Variants in DIAPH3 observed in about 807,000 individuals in gnomAD.
DIAPH3 encodes the protein diaphanous related formin 3.
A neutral mutation model predicts 144.3 loss-of-function variants in DIAPH3; 117 were observed. The observed-to-expected ratio is 0.81, with a 90% CI of 0.70 to 0.95. The LOEUF (loss-of-function observed/expected upper bound fraction) is 0.95, where lower values mean the gene tolerates loss of function less well. Ranked by LOEUF, DIAPH3 falls within the 40% of genes least tolerant of loss-of-function variation. The probability of loss-of-function intolerance (pLI) is 0.00; values close to 1 mark genes in which losing one functional copy is unlikely to be tolerated. For missense variants in DIAPH3, 1,421 were observed against 1,412.7 expected, an observed-to-expected ratio of 1.01 and a Z score of -0.09; for synonymous variants, 519 against 488.9, an observed-to-expected ratio of 1.06 and a Z score of -0.81.
intron 17 of DIAPH3, among the ~76,000 whole-genome samples, chr13:59,938,256 TG>T (rs1288484216): frequency 6.6e-6 from 1 of 152,158 alleles, no homozygotes; most frequent in African/African-American, 2.4e-5. Flanking sequence ...TGTTAAAATT[TG>T]TAGTTCTATG....
chr13:60,000,557 G>T (rs2052462245), intron 9 of DIAPH3, among the ~76,000 whole-genome samples: 1 of 151,906 alleles, frequency 6.6e-6, no homozygotes, highest in Non-Finnish European at 1.5e-5. Context: ...CCAGCTATTG[G>T]TATTATATCT....
intron 5 of DIAPH3, among the ~76,000 whole-genome samples, chr13:60,032,258 C>T (rs951230299): frequency 1.3e-5 from 2 of 152,156 alleles, no homozygotes; most frequent in Non-Finnish European, 2.9e-5. Context: ...CTGAAGAGCA[C>T]TGACCCTCTT....
At chr13:60,018,935 C>T (rs1367393873) in intron 5 of DIAPH3, among the ~76,000 whole-genome samples, 3 of 152,108 alleles carry the variant, frequency 2.0e-5, no homozygotes, top group Admixed American at 6.6e-5. Context: ...AAACATCTCC[C>T]TGTTTTCTTA....
chr13:59,752,024 G>A lies in DIAPH3; in HGVS notation c.3319+22165C>T, dbSNP rs115583262. Among the ~76,000 whole-genome samples the A allele has an allele frequency of 9.9e-4, 151 of 152,338 alleles. 1 individual carries two copies. Among genetic ancestry groups the A allele is most frequent in the African/African-American group, 3.5e-3 (145 of 41,572 alleles). ...TGGGGCTAGCAGGTATAACCTGGCA[G>A]ATGACAGTGGTCTAAAATTTTCAAA... On this transcript the variant is annotated intron_variant, in intron 27 of 27. Coordinates refer to ENST00000400324, the MANE Select transcript of DIAPH3 (RefSeq NM_001042517.2).
At chr13:59,978,333 T>C (rs1442289030) in intron 14 of DIAPH3, among the ~76,000 whole-genome samples, 1 of 151,640 alleles carries the variant, frequency 6.6e-6, no homozygotes, top group Non-Finnish European at 1.5e-5. Flanking sequence ...ATTTTCTCTT[T>C]TTGACAACTA....
intron 1 of DIAPH3, among the ~76,000 whole-genome samples, chr13:60,134,238 A>C (rs1331497422): frequency 6.6e-6 from 1 of 152,240 alleles, no homozygotes; most frequent in Non-Finnish European, 1.5e-5. Flanking sequence ...TGCCTTGTTG[A>C]ATTAGAATCA....
intron 3 of DIAPH3, among the ~76,000 whole-genome samples, chr13:60,102,669 G>A (rs7981402): frequency 0.36 from 54,377 of 151,952 alleles, 10,353 homozygotes; most frequent in Admixed American, 0.5. Flanking sequence ...TCAGGTCGTG[G>A]CACTGACACA....
At chr13:59,745,735 T>C (rs189560956) in intron 27 of DIAPH3, among the ~76,000 whole-genome samples, 13 of 152,302 alleles carry the variant, frequency 8.5e-5, no homozygotes, top group Admixed American at 7.2e-4. Flanking sequence ...TCAGCTCCAG[T>C]GAACTGTCAC....
intron 27 of DIAPH3, among the ~76,000 whole-genome samples, chr13:59,677,857 A>T (rs1050946611): frequency 1.3e-5 from 2 of 152,162 alleles, no homozygotes; most frequent in Non-Finnish European, 2.9e-5. Flanking sequence ...GAATGGCAAA[A>T]TAGACAAAGG....
chr13:59,763,718 T>C (rs2037729053), intron 27 of DIAPH3, among the ~76,000 whole-genome samples: 1 of 152,094 alleles, frequency 6.6e-6, no homozygotes. Context: ...CCTGAAATTA[T>C]AATTGTGGTG....
At chr13:60,078,005 C>A (rs967090698) in intron 4 of DIAPH3, among the ~76,000 whole-genome samples, 1 of 152,058 alleles carries the variant, frequency 6.6e-6, no homozygotes, top group Non-Finnish European at 1.5e-5. Flanking sequence ...AAACATCAGT[C>A]TCCATTAAAA....
chr13:59,732,588 C>T (rs1210271296), intron 27 of DIAPH3, among the ~76,000 whole-genome samples: 4 of 151,606 alleles, frequency 2.6e-5, no homozygotes, highest in Non-Finnish European at 5.9e-5. Flanking sequence ...ACTACAGGCG[C>T]ACTCCAACCC....
chr13:59,848,172 AC>A (rs2042759628), intron 22 of DIAPH3, among the ~76,000 whole-genome samples: 1 of 152,036 alleles, frequency 6.6e-6, no homozygotes, highest in Non-Finnish European at 1.5e-5. Context: ...TACTCATTCT[AC>A]CATTATTCAT....
At chr13:59,963,272 G>A (rs1449495777) in intron 17 of DIAPH3, among the ~76,000 whole-genome samples, 2 of 152,104 alleles carry the variant, frequency 1.3e-5, no homozygotes, top group Non-Finnish European at 2.9e-5. Context: ...TGAGGGACAA[G>A]AACAGCTTAT....
intron 20 of DIAPH3, among the ~76,000 whole-genome samples, chr13:59,890,547 A>G (rs1358798176): frequency 6.6e-6 from 1 of 151,856 alleles, no homozygotes; most frequent in Non-Finnish European, 1.5e-5. Context: ...TGTCAACGTA[A>G]TTTTTACAAC....
intron 3 of DIAPH3, among the ~76,000 whole-genome samples, chr13:60,102,894 G>A (rs1366177911): frequency 3.3e-5 from 5 of 152,038 alleles, no homozygotes; most frequent in African/African-American, 9.7e-5. Context: ...TGTCCATCCA[G>A]AATGAAAGCA....
chr13:60,013,538 T>C (rs1277201804), intron 7 of DIAPH3, among the ~76,000 whole-genome samples: 1 of 152,216 alleles, frequency 6.6e-6, no homozygotes, highest in Non-Finnish European at 1.5e-5. Flanking sequence ...CTTTTCATCC[T>C]TATTATCTTT....
intron 17 of DIAPH3, among the ~76,000 whole-genome samples, chr13:59,949,007 A>G (rs986118784): frequency 2.6e-5 from 4 of 152,174 alleles, no homozygotes; most frequent in African/African-American, 9.7e-5. Context: ...GTGCCACAAT[A>G]AACTGAGCAG....
intron 20 of DIAPH3, among the ~76,000 whole-genome samples, chr13:59,901,877 TGAAGTGCAGTGGCAC>T (rs1454749784): frequency 6.6e-6 from 1 of 152,220 alleles, no homozygotes; most frequent in African/African-American, 2.4e-5. Flanking sequence ...TTCCCCAGGC[TGAAGTGCAGTGGCAC>T]GATCTTGGCT....
Sources: allele counts gnomAD v4.1 joint callset (sites outside exome capture counted in the v4.1 genomes callset), GRCh38; gene constraint gnomAD v4.1.1; transcripts MANE v1.5; gene names NCBI Gene and HGNC (gene_info 2026-07-23, HGNC 2026-07-21).